RARG: variants seen among roughly 807,000 people sequenced by gnomAD.
The protein encoded by RARG is retinoic acid receptor gamma.
RARG carries 17 observed loss-of-function variants against 43.7 expected under a neutral mutation model. The ratio of observed to expected loss-of-function variants is 0.39; its 90% confidence interval spans 0.27 to 0.58. RARG has a LOEUF of 0.58. Ranked by LOEUF, RARG falls within the 20% of genes least tolerant of loss-of-function variation. RARG has a pLI of 0.57. For missense variants in RARG, 346 were observed against 598.7 expected (o/e 0.58, Z 4.40); for synonymous variants, 238 against 236.4 (o/e 1.01, Z -0.06).
In RARG at chr12:53,227,582, T is replaced by A; in HGVS notation, c.-37A>T. 6.8e-7 allele frequency: 1 copy of A among 1,462,784 alleles called. No individual in the cohort carries two copies. The highest frequency in any genetic ancestry group is 9.0e-7 in the Non-Finnish European group (1 of 1,105,406). The allele number at this position is 1,462,784 out of a possible 1,614,324, so 90.6% of individuals were successfully genotyped here. ...TGTGAGAGTCCCCTGGGGTCTGCAG[T>A]GGGCGGGCGAGGTCTTCAGCCACAG... On this transcript the variant is annotated 5_prime_UTR_variant, in exon 3 of 10. Coordinates refer to ENST00000425354, the MANE Select transcript of RARG (RefSeq NM_000966.6). The surrounding 1 kb of genome is among the most constrained non-coding windows in gnomAD (Gnocchi z 4.3).
At position 53,227,646 on chromosome 12, in the gene RARG, G is replaced by C; in HGVS notation, c.-101C>G. On this transcript the variant is annotated 5_prime_UTR_variant, in exon 3 of 10. Transcript: ENST00000425354. The surrounding 1 kb of genome is among the most constrained non-coding windows in gnomAD (Gnocchi z 4.3). ...CCACTGCCCCAGCCTGGGAGGCTCCGTACCCGCCCTGCCTGGCCTGCCCAC... is the reference window on the plus strand; with the variant it reads ...CCACTGCCCCAGCCTGGGAGGCTCCCTACCCGCCCTGCCTGGCCTGCCCAC... The C allele has an allele frequency of 7.4e-7, 1 of 1,354,010 alleles. No homozygotes were observed. Among genetic ancestry groups the C allele is most frequent in the Non-Finnish European group, 9.5e-7 (1 of 1,054,728 alleles). The allele number at this position is 1,354,010 out of a possible 1,614,324, so 83.9% of individuals were successfully genotyped here. A position where few individuals can be genotyped will look rare whatever the true frequency, so the allele number is the denominator to read the frequency against.
chr12:53,224,532 G>A lies in RARG; in HGVS notation c.184+2830C>T, dbSNP rs991983869. Among the ~76,000 whole-genome samples, 2 of 151,882 alleles carry A rather than the reference G, an allele frequency of 1.3e-5. 1 individual carries two copies. The highest frequency in any genetic ancestry group is 1.3e-4 in the Admixed American group (2 of 15,254). On this transcript the variant is annotated intron_variant, in intron 3 of 9. Transcript: ENST00000425354. ...CCACTAGATGCTCCCAGCCAAAAAG[G>A]GACAGCAGGTCGGAGAAATGAGAGA...
intron 2 of RARG, among the ~76,000 whole-genome samples, chr12:53,230,836 CGTGTGTGTGTGTGT>C (rs59367849): frequency 2.2e-3 from 266 of 120,000 alleles, no homozygotes; most frequent in South Asian, 2.9e-3. Context: ...GGCCACAGTG[CGTGTGTGTGTGTGT>C]GTGTGTGTGT....
At position 53,215,253 on chromosome 12, in the gene RARG, G is replaced by A. The variant is rs202018352; in HGVS notation, c.475+40C>T. 5 of 1,606,628 alleles carry A rather than the reference G, an allele frequency of 3.1e-6. No homozygotes were observed. In the East Asian group the frequency reaches 8.9e-5, roughly 29 times the overall value. On this transcript the variant is annotated intron_variant, in intron 5 of 9. Transcript: ENST00000425354. The surrounding 1 kb of genome is among the most constrained non-coding windows in gnomAD (Gnocchi z 6.4). ...AAAGAGGGCCACAGCCATAGGGTAGGACCGAAGTGCTCCTGCCCAAGCCAA... is the reference window on the plus strand; with the variant it reads ...AAAGAGGGCCACAGCCATAGGGTAGAACCGAAGTGCTCCTGCCCAAGCCAA...
intron 3 of RARG, among the ~76,000 whole-genome samples, chr12:53,222,564 A>C (rs1340113395): frequency 1.3e-5 from 2 of 151,972 alleles, no homozygotes; most frequent in Non-Finnish European, 2.9e-5. Context: ...GCACAGGAGG[A>C]GTTGGGGGAG....
At chr12:53,231,285 G>C (rs996697778) in intron 1 of RARG, 50 bp from the exon 2 acceptor site, 10 of 152,260 alleles carry the variant, frequency 6.6e-5, no homozygotes, top group African/African-American at 2.4e-4. Context: ...AGCACTCCTG[G>C]GTCCCTGTCC....
intron 3 of RARG, among the ~76,000 whole-genome samples, chr12:53,222,023 G>A (rs1460219723): frequency 6.6e-6 from 1 of 151,892 alleles, no homozygotes; most frequent in African/African-American, 2.4e-5. Context: ...GGGGAGGGGC[G>A]GGGGGCTGCC....
chr12:53,221,499 C>T (rs936782325), intron 3 of RARG, among the ~76,000 whole-genome samples: 4 of 152,184 alleles, frequency 2.6e-5, no homozygotes, highest in Admixed American at 1.3e-4. Context: ...CTTTAAATAC[C>T]CTCTAGCCTA....
intron 3 of RARG, among the ~76,000 whole-genome samples, chr12:53,221,194 C>G (rs1298215813): frequency 6.6e-6 from 1 of 151,470 alleles, no homozygotes; most frequent in Non-Finnish European, 1.5e-5. Flanking sequence ...AGAGTCTACC[C>G]CTCCTAGCCC....
chr12:53,223,523 G>GCCCCCCCC (rs139275762), intron 3 of RARG, among the ~76,000 whole-genome samples: 1 of 103,696 alleles, frequency 9.6e-6, no homozygotes, highest in African/African-American at 3.5e-5. Context: ...GGCTCCCCCC[G>GCCCCCCCC]CCCCCCCCCC....
At chr12:53,225,541 G>A (rs1035393373) in intron 3 of RARG, among the ~76,000 whole-genome samples, 1 of 152,206 alleles carries the variant, frequency 6.6e-6, no homozygotes, top group Non-Finnish European at 1.5e-5. Flanking sequence ...CCCCCTCCTG[G>A]AAGCAGGGCG....
At chr12:53,220,168 C>T (rs1400566474) in intron 3 of RARG, 16 of 1,549,194 alleles carry the variant, frequency 1.0e-5, no homozygotes, top group African/African-American at 1.4e-5. Flanking sequence ...TCCCCCTCCT[C>T]CCCCGGCGGC....
intron 3 of RARG, chr12:53,220,254 G>A (rs1942918101): frequency 2.1e-6 from 1 of 483,910 alleles, no homozygotes; most frequent in East Asian, 6.9e-5. Context: ...GGTGGGCGGG[G>A]AAGAGGGGGG....
rs750137992 is a variant in RARG at position 53,213,553 on chromosome 12, G to A, written c.961C>T (p.Leu321=). 4.3e-6 allele frequency: 7 copies of A among 1,614,010 alleles called. No homozygotes were observed. The highest frequency in any genetic ancestry group is 2.7e-5 in the African/African-American group (2 of 74,928). The change falls in exon 8 of 10, where the codon CTG becomes TTG. Residue 321 remains leucine (L), a synonymous_variant. Coordinates refer to ENST00000425354, the MANE Select transcript of RARG (RefSeq NM_000966.6). This position sits in a 1 kb window ranked among gnomAD's most constrained non-coding sequence, Gnocchi z 4.7. ...VFAFAGQLLP[L]EMDDTETGLL... ...CCTGTCTCGGTGTCATCCATCTCCA[G>A]GGGCAGGAGCTGCCCAGCAAAGGCA...
At position 53,213,927 on chromosome 12, in the gene RARG, G is replaced by A. The variant is rs1360066741; in HGVS notation, c.813+132C>T. The stretch of plus-strand genomic sequence containing the variant: ...AGGTCATAGGGGCAGAGGCTAAGAC[G>A]AAAAGAGAGCTGAGGAGTCCCACAT... On this transcript the variant is annotated intron_variant, in intron 7 of 9. Transcript: ENST00000425354. The surrounding 1 kb of genome is among the most constrained non-coding windows in gnomAD (Gnocchi z 4.7). 4.4e-5 allele frequency: 53 copies of A among 1,214,282 alleles called. No individual in the cohort carries two copies. Among genetic ancestry groups the A allele is most frequent in the Middle Eastern group, 2.2e-4 (1 of 4,538 alleles). The allele number at this position is 1,214,282 out of a possible 1,614,324, so 75.2% of individuals were successfully genotyped here. A position where few individuals can be genotyped will look rare whatever the true frequency, so the allele number is the denominator to read the frequency against.
intron 3 of RARG, among the ~76,000 whole-genome samples, chr12:53,223,823 T>C (rs1943042012): frequency 6.6e-6 from 1 of 152,196 alleles, no homozygotes; most frequent in Non-Finnish European, 1.5e-5. Flanking sequence ...TGCCAACCTG[T>C]CCTCAGTTTC....
chr12:53,227,498 A>G lies in RARG; in HGVS notation c.48T>C (p.Pro16=), dbSNP rs766090601. The change falls in exon 3 of 10, where the codon CCT becomes CCC. Residue 16 remains proline, a synonymous_variant. Coordinates refer to ENST00000425354, the MANE Select transcript of RARG (RefSeq NM_000966.6). This position sits in a 1 kb window ranked among gnomAD's most constrained non-coding sequence, Gnocchi z 4.3. ...AACCTGCCCCTGGGTAGCCAGATCC[A>G]GGCCCCAGGGCACCAGCCGCAAAGA... is the stretch of plus-strand genomic sequence containing the variant. ...ERLFAAGALG[P]GSGYPGAGFP... is the part of the protein sequence containing the mutation. 1 of 1,604,658 alleles carries G rather than the reference A, an allele frequency of 6.2e-7. No homozygotes were observed. Among genetic ancestry groups the G allele is most frequent in the Non-Finnish European group, 8.5e-7 (1 of 1,176,298 alleles).
At chr12:53,221,847 C>T (rs1422562838) in intron 3 of RARG, among the ~76,000 whole-genome samples, 1 of 151,670 alleles carries the variant, frequency 6.6e-6, no homozygotes, top group Non-Finnish European at 1.5e-5. Context: ...CCCGGCCCGG[C>T]CCTTCCCCCG....
intron 9 of RARG, among the ~76,000 whole-genome samples, chr12:53,212,427 G>T (rs1348680337): frequency 6.6e-6 from 1 of 151,848 alleles, no homozygotes; most frequent in Non-Finnish European, 1.5e-5. Flanking sequence ...TTTTTGTTGT[G>T]TTGTTGTTGT....
Sources: gnomAD v4.1 joint callset for allele counts (sites outside exome capture counted in the v4.1 genomes callset) on GRCh38, gnomAD v4.1.1 for gene constraint, Gnocchi (gnomAD v3.1) non-coding constraint, MANE v1.5 for transcripts, NCBI Gene and HGNC (gene_info 2026-07-23, HGNC 2026-07-21) for gene names.